GRIK4: variants seen among roughly 807,000 people sequenced by gnomAD.
GRIK4 encodes glutamate ionotropic receptor kainate type subunit 4, also known as glutamate receptor ionotropic, kainate 4.
GRIK4 carries 40 observed loss-of-function variants against 104.9 expected under a neutral mutation model. The observed-to-expected ratio is 0.38, with a 90% CI of 0.30 to 0.50. GRIK4 has a LOEUF of 0.50. Among genes scored for constraint, GRIK4 ranks in the 20% least tolerant of loss-of-function variants. GRIK4 has a pLI of 0.93. For synonymous variants in GRIK4, 485 were observed against 524.9 expected (o/e 0.92, Z 1.04); for missense variants, 1,047 against 1,308.1 (o/e 0.80, Z 3.08).
intron 11 of GRIK4, among the ~76,000 whole-genome samples, chr11:120,880,960 G>C (rs1458564583): frequency 1.3e-5 from 2 of 152,166 alleles, no homozygotes; most frequent in Non-Finnish European, 2.9e-5. Flanking sequence ...ATCTTTTGGG[G>C]AAGGCAAAAA....
At chr11:120,587,613 G>T (rs1948684095) in intron 1 of GRIK4, among the ~76,000 whole-genome samples, 1 of 152,182 alleles carries the variant, frequency 6.6e-6, no homozygotes, top group Admixed American at 6.5e-5. Context: ...GCTTGGACCA[G>T]TAACTTGTGA....
intron 17 of GRIK4, among the ~76,000 whole-genome samples, chr11:120,961,969 A>G (rs1050952812): frequency 3.9e-5 from 6 of 152,210 alleles, no homozygotes; most frequent in African/African-American, 1.4e-4. Context: ...AGCAGCCAGC[A>G]TTGGATATGT....
At chr11:120,892,109 C>T (rs1362475902) in intron 11 of GRIK4, among the ~76,000 whole-genome samples, 2 of 152,112 alleles carry the variant, frequency 1.3e-5, no homozygotes, top group Non-Finnish European at 2.9e-5. Context: ...GGCAGGGGTT[C>T]ATGTGGCAAG....
At chr11:120,609,482 C>T (rs11601552) in intron 1 of GRIK4, among the ~76,000 whole-genome samples, 13 of 136,496 alleles carry the variant, frequency 9.5e-5, no homozygotes, top group African/African-American at 2.5e-4. Flanking sequence ...GTTTTTCCCT[C>T]TCTGCTTTCC....
At chr11:120,948,169 C>T (rs1943908889) in intron 14 of GRIK4, among the ~76,000 whole-genome samples, 1 of 152,184 alleles carries the variant, frequency 6.6e-6, no homozygotes, top group Admixed American at 6.5e-5. Flanking sequence ...CTTGGAGACA[C>T]TGCGTTCTCT....
At chr11:120,799,697 C>G (rs1422393871) in intron 3 of GRIK4, among the ~76,000 whole-genome samples, 1 of 152,176 alleles carries the variant, frequency 6.6e-6, no homozygotes, top group African/African-American at 2.4e-5. Context: ...AGATAGAGTC[C>G]ACTAAGTGGT....
chr11:120,602,447 G>A (rs1009359870), intron 1 of GRIK4, among the ~76,000 whole-genome samples: 4 of 152,164 alleles, frequency 2.6e-5, no homozygotes, highest in Admixed American at 6.5e-5. Flanking sequence ...GAGGAAGGAA[G>A]GAATTGGCCT....
At chr11:120,523,405 C>A (rs1044903282) in intron 1 of GRIK4, among the ~76,000 whole-genome samples, 1 of 151,880 alleles carries the variant, frequency 6.6e-6, no homozygotes, top group Non-Finnish European at 1.5e-5. Flanking sequence ...GCCCTCAGCT[C>A]CTTTGGGGAG....
chr11:120,861,957 A>G lies in GRIK4; in HGVS notation c.745-2A>G. On this transcript the variant is annotated splice_acceptor_variant, in intron 8 of 20. Transcript: ENST00000527524. LOFTEE classifies it high-confidence loss of function. ...CTTATTTCTGATGCTGGGTCTTTCC[A>G]GGAGTTCTCACTCCAGAGAATGGAC... is the stretch of plus-strand genomic sequence containing the variant. 2 of 1,610,434 alleles carry G rather than the reference A, an allele frequency of 1.2e-6. No individual in the cohort carries two copies. The highest frequency in any genetic ancestry group is 1.7e-6 in the Non-Finnish European group (2 of 1,176,738).
intron 3 of GRIK4, among the ~76,000 whole-genome samples, chr11:120,727,954 A>G (rs1259718385): frequency 6.6e-6 from 1 of 152,110 alleles, no homozygotes; most frequent in Non-Finnish European, 1.5e-5. Flanking sequence ...TGAAGATCCA[A>G]TATGTGAACA....
chr11:120,658,063 CT>C (rs1373449809), intron 2 of GRIK4, among the ~76,000 whole-genome samples: 1 of 152,124 alleles, frequency 6.6e-6, no homozygotes, highest in African/African-American at 2.4e-5. Context: ...CAGAATTATT[CT>C]GTCTCTAGAA....
chr11:120,974,898 T>C (rs1479667515), intron 19 of GRIK4, among the ~76,000 whole-genome samples: 1 of 152,282 alleles, frequency 6.6e-6, no homozygotes, highest in Non-Finnish European at 1.5e-5. Flanking sequence ...TATTTATTTA[T>C]TTTCTCACTT....
intron 1 of GRIK4, among the ~76,000 whole-genome samples, chr11:120,597,892 G>T (rs1306333246): frequency 6.6e-6 from 1 of 152,140 alleles, no homozygotes; most frequent in African/African-American, 2.4e-5. Context: ...GAAGACTCCT[G>T]TTCCGAGCCC....
At chr11:120,834,783 A>G (rs1189697284) in intron 7 of GRIK4, among the ~76,000 whole-genome samples, 1 of 152,252 alleles carries the variant, frequency 6.6e-6, no homozygotes, top group Non-Finnish European at 1.5e-5. Flanking sequence ...ATGTTTACCC[A>G]GAAATCAGGC....
At chr11:120,614,243 AG>A in intron 1 of GRIK4, among the ~76,000 whole-genome samples, 1 of 152,324 alleles carries the variant, frequency 6.6e-6, no homozygotes, top group Admixed American at 6.5e-5. Context: ...CCACACAGAA[AG>A]GGGGTTATGG....
At chr11:120,592,016 C>T (rs1297374465) in intron 1 of GRIK4, among the ~76,000 whole-genome samples, 1 of 152,142 alleles carries the variant, frequency 6.6e-6, no homozygotes. Context: ...CCACTCAGGT[C>T]ACAAAGCCCT....
intron 13 of GRIK4, among the ~76,000 whole-genome samples, chr11:120,914,680 A>G (rs1349716424): frequency 6.6e-6 from 1 of 152,164 alleles, no homozygotes; most frequent in African/African-American, 2.4e-5. Context: ...GGCAGGGGCC[A>G]GTCGTGATAG....
intron 11 of GRIK4, chr11:120,894,827 G>GGGTGCCCAGT (rs1174924799): frequency 2.0e-5 from 3 of 152,392 alleles, no homozygotes; most frequent in African/African-American, 7.2e-5. Context: ...GTGGCTTCGA[G>GGGTGCCCAGT]GGTGCCCAGT....
At chr11:120,547,458 C>G (rs1302866283) in intron 1 of GRIK4, among the ~76,000 whole-genome samples, 1 of 152,108 alleles carries the variant, frequency 6.6e-6, no homozygotes, top group East Asian at 1.9e-4. Flanking sequence ...CGGCGGTGAC[C>G]ACATGCTCAC....
Sources: gnomAD v4.1 joint callset for allele counts (sites outside exome capture counted in the v4.1 genomes callset) on GRCh38, gnomAD v4.1.1 for gene constraint, MANE v1.5 for transcripts, NCBI Gene and HGNC (gene_info 2026-07-23, HGNC 2026-07-21) for gene names.